Variants in MLLT1 observed in about 807,000 individuals in gnomAD.
MLLT1 encodes protein ENL.
In MLLT1, 11 loss-of-function variants were observed where a neutral mutation model predicts 55.1. That is an observed-to-expected ratio of 0.20 (90% CI 0.13 to 0.33). The LOEUF (loss-of-function observed/expected upper bound fraction) is 0.33. Ranked by LOEUF, MLLT1 falls within the 10% of genes least tolerant of loss-of-function variation. MLLT1 has a pLI of 1.00. For synonymous variants in MLLT1, 323 were observed against 320.1 expected (o/e 1.01, Z -0.10); for missense variants, 536 against 760.6 (o/e 0.70, Z 3.47).
chr19:6,272,506 G>T (rs1237740171), intron 1 of MLLT1, among the ~76,000 whole-genome samples: 1 of 152,104 alleles, frequency 6.6e-6, no homozygotes, highest in African/African-American at 2.4e-5. Flanking sequence ...GGCCCTTTCT[G>T]GTAGCCACGC....
Position 6,211,588 on chromosome 19 carries a change from G to A in MLLT1, c.*1454C>T, listed in dbSNP as rs879373552. 1.2e-4 allele frequency: 123 copies of A among 1,065,088 alleles called. No individual in the cohort carries two copies. Among genetic ancestry groups the A allele is most frequent in the Non-Finnish European group, 1.3e-4 (115 of 878,988 alleles). 66.0% of individuals were successfully genotyped at this position (1,065,088 alleles called of 1,614,324 possible). A position where few individuals can be genotyped will look rare whatever the true frequency, so the allele number is the denominator to read the frequency against. On this transcript the variant is annotated 3_prime_UTR_variant, in exon 12 of 12. Transcript: ENST00000252674. The surrounding 1 kb of genome is among the most constrained non-coding windows in gnomAD (Gnocchi z 4.6). ...CATCTAGGTGGGTTCGAGGGGGTGC[G>A]AGCCCACCTCCAGGCCCTCAGCCCT...
rs1484061245 is a variant in MLLT1 at position 6,262,463 on chromosome 19, C to T, written c.194-153G>A. ...GCTTTTCAGGAGGTTAAGCCCCCGACAGGATTGACTTCCACGGCAAAGTTA... is the reference window on the plus strand; with the variant it reads ...GCTTTTCAGGAGGTTAAGCCCCCGATAGGATTGACTTCCACGGCAAAGTTA... On this transcript the variant is annotated intron_variant, in intron 2 of 11. Coordinates refer to ENST00000252674, the MANE Select transcript of MLLT1 (RefSeq NM_005934.4). The surrounding 1 kb of genome is among the most constrained non-coding windows in gnomAD (Gnocchi z 4.4). 2.0e-5 allele frequency among the ~76,000 whole-genome samples: 3 copies of T among 152,008 alleles called. No individual in the cohort carries two copies. Among genetic ancestry groups the T allele is most frequent in the Admixed American group, 6.5e-5 (1 of 15,268 alleles).
At position 6,210,758 on chromosome 19, in the gene MLLT1, CGTG is replaced by C. The variant is rs2090759479; in HGVS notation, c.*2281_*2283del. 1 of 229,674 alleles carries C rather than the reference CGTG, an allele frequency of 4.4e-6. No individual in the cohort carries two copies. Among genetic ancestry groups the C allele is most frequent in the Admixed American group, 5.7e-5 (1 of 17,648 alleles). The allele number at this position is 229,674 out of a possible 1,614,324, so 14.2% of individuals were successfully genotyped here. A position where few individuals can be genotyped will look rare whatever the true frequency, so the allele number is the denominator to read the frequency against. On this transcript the variant is annotated 3_prime_UTR_variant, in exon 12 of 12. Coordinates refer to ENST00000252674, the MANE Select transcript of MLLT1 (RefSeq NM_005934.4). The surrounding 1 kb of genome is among the most constrained non-coding windows in gnomAD (Gnocchi z 4.6). Reference sequence around the variant, plus strand: ...CCTATGGAAGTGTCCCCAGAGCCCTCGTGGGCCCAGCCGCCGGGCAGCTGGGGT... The same window carrying C: ...CCTATGGAAGTGTCCCCAGAGCCCTCGGCCCAGCCGCCGGGCAGCTGGGGT...
Position 6,222,064 on chromosome 19 carries a change from A to C in MLLT1, c.1110+57T>G. ...ACCTCCTTCCGCTGTTCCAGAAGGGAGGCGGGTCCCACCACACTGCCTGCA... is the reference window on the plus strand; with the variant it reads ...ACCTCCTTCCGCTGTTCCAGAAGGGCGGCGGGTCCCACCACACTGCCTGCA... On this transcript the variant is annotated intron_variant, in intron 6 of 11. Transcript: ENST00000252674. The surrounding 1 kb of genome is among the most constrained non-coding windows in gnomAD (Gnocchi z 4.1). 1 of 1,363,478 alleles carries C rather than the reference A, an allele frequency of 7.3e-7. No individual in the cohort carries two copies. The highest frequency in any genetic ancestry group is 9.7e-7 in the Non-Finnish European group (1 of 1,033,126). The allele number at this position is 1,363,478 out of a possible 1,614,324, so 84.5% of individuals were successfully genotyped here.
chr19:6,270,883 G>A lies in MLLT1; in HGVS notation c.13-124C>T. 1 of 915,700 alleles carries A rather than the reference G, an allele frequency of 1.1e-6. No homozygotes were observed. Among genetic ancestry groups the A allele is most frequent in the South Asian group, 1.8e-5 (1 of 56,220 alleles). The allele number at this position is 915,700 out of a possible 1,614,324, so 56.7% of individuals were successfully genotyped here. On this transcript the variant is annotated intron_variant, in intron 1 of 11. Coordinates refer to ENST00000252674, the MANE Select transcript of MLLT1 (RefSeq NM_005934.4). This position sits in a 1 kb window ranked among gnomAD's most constrained non-coding sequence, Gnocchi z 7.1. Reference sequence around the variant, plus strand: ...GTGCAATACGCTCTCAACCCAGTGAGCAGCACACAGACGGCTTCCTATCGC... The same window carrying A: ...GTGCAATACGCTCTCAACCCAGTGAACAGCACACAGACGGCTTCCTATCGC...
chr19:6,227,904 A>G lies in MLLT1; in HGVS notation c.421-802T>C, dbSNP rs940967245. Among the ~76,000 whole-genome samples, 17 of 152,188 alleles carry G rather than the reference A, an allele frequency of 1.1e-4. No homozygotes were observed. Among genetic ancestry groups the G allele is most frequent in the Non-Finnish European group, 1.2e-4 (8 of 68,036 alleles). Reference sequence around the variant, plus strand: ...GAAAAGCCTCCCAGATGGCCGCAAGAGAGAACAAAAGAAGAAAATACACTT... The same window carrying G: ...GAAAAGCCTCCCAGATGGCCGCAAGGGAGAACAAAAGAAGAAAATACACTT... On this transcript the variant is annotated intron_variant, in intron 4 of 11. Transcript: ENST00000252674. The surrounding 1 kb of genome is among the most constrained non-coding windows in gnomAD (Gnocchi z 5.1).
chr19:6,237,362 C>A (rs2091072092), intron 3 of MLLT1, among the ~76,000 whole-genome samples: 4 of 152,210 alleles, frequency 2.6e-5, no homozygotes, highest in South Asian at 4.1e-4. Context: ...CTCCTGCCGA[C>A]CCTGGCTGTC....
Position 6,212,209 on chromosome 19 carries a change from C to T in MLLT1, c.*833G>A. On this transcript the variant is annotated 3_prime_UTR_variant, in exon 12 of 12. Coordinates refer to ENST00000252674, the MANE Select transcript of MLLT1 (RefSeq NM_005934.4). ...AGAGCCCGAGAGCAGACTGGTGGCT[C>T]CCGGGCGCCCTGAGGACTCGCTGCC... The T allele has an allele frequency of 2.8e-6, 3 of 1,066,328 alleles. No individual in the cohort carries two copies. The highest frequency in any genetic ancestry group is 3.4e-6 in the Non-Finnish European group (3 of 879,636). The allele number at this position is 1,066,328 out of a possible 1,614,324, so 66.1% of individuals were successfully genotyped here. A position where few individuals can be genotyped will look rare whatever the true frequency, so the allele number is the denominator to read the frequency against.
chr19:6,218,281 G>A lies in MLLT1; in HGVS notation c.1111-240C>T, dbSNP rs549559060. Among the ~76,000 whole-genome samples the A allele has an allele frequency of 3.6e-3, 542 of 152,318 alleles. 2 individuals are homozygous for A. The highest frequency in any genetic ancestry group is 5.7e-3 in the Non-Finnish European group (391 of 68,016). ...GACACCCGTGGATGTCTGGGTTTCC[G>A]GTAGCGCCAGGAGACCGTGTGGACC... On this transcript the variant is annotated intron_variant, in intron 6 of 11. Coordinates refer to ENST00000252674, the MANE Select transcript of MLLT1 (RefSeq NM_005934.4).
At position 6,262,087 on chromosome 19, in the gene MLLT1, C is replaced by CGTCA; in HGVS notation, c.276+140_276+141insTGAC. 1 of 668,730 alleles carries CGTCA rather than the reference C, an allele frequency of 1.5e-6. No individual in the cohort carries two copies. The allele number at this position is 668,730 out of a possible 1,614,324, so 41.4% of individuals were successfully genotyped here. A position where few individuals can be genotyped will look rare whatever the true frequency, so the allele number is the denominator to read the frequency against. ...ACGTCCCCAGGAATGGAGATGGTGA[C>CGTCA]CAGCACCCCCCGCAGCACTCACTGG... On this transcript the variant is annotated intron_variant, in intron 3 of 11. Coordinates refer to ENST00000252674, the MANE Select transcript of MLLT1 (RefSeq NM_005934.4). The surrounding 1 kb of genome is among the most constrained non-coding windows in gnomAD (Gnocchi z 4.4).
chr19:6,269,564 C>G (rs1415316827), intron 2 of MLLT1, among the ~76,000 whole-genome samples: 1 of 152,222 alleles, frequency 6.6e-6, no homozygotes, highest in African/African-American at 2.4e-5. Flanking sequence ...CAAGCCTCTA[C>G]TGCTGTCAAC....
intron 2 of MLLT1, among the ~76,000 whole-genome samples, chr19:6,267,428 T>G (rs948121980): frequency 1.4e-5 from 2 of 147,734 alleles, no homozygotes; most frequent in Non-Finnish European, 3.0e-5. Flanking sequence ...TTCCACAGAA[T>G]AAATGAAATG....
Position 6,222,730 on chromosome 19 carries a change from G to A in MLLT1, c.547-46C>T, listed in dbSNP as rs765725986. 2.1e-5 allele frequency: 31 copies of A among 1,472,494 alleles called. No individual in the cohort carries two copies. Among genetic ancestry groups the A allele is most frequent in the Non-Finnish European group, 2.6e-5 (29 of 1,113,954 alleles). 91.2% of individuals were successfully genotyped at this position (1,472,494 alleles called of 1,614,324 possible). A position where few individuals can be genotyped will look rare whatever the true frequency, so the allele number is the denominator to read the frequency against. ...AGGGCAAGGGGAGAGACAAGGTCAC[G>A]TGGCATTGCGGGGCGCCCTGCTCCG... On this transcript the variant is annotated intron_variant, in intron 5 of 11. Coordinates refer to ENST00000252674, the MANE Select transcript of MLLT1 (RefSeq NM_005934.4). The surrounding 1 kb of genome is among the most constrained non-coding windows in gnomAD (Gnocchi z 4.1).
chr19:6,242,505 G>C (rs1034117943), intron 3 of MLLT1, among the ~76,000 whole-genome samples: 1 of 152,184 alleles, frequency 6.6e-6, no homozygotes, highest in African/African-American at 2.4e-5. Flanking sequence ...TGCAGGGGTT[G>C]GGGAGGAGGT....
chr19:6,227,892 G>T lies in MLLT1; in HGVS notation c.421-790C>A, dbSNP rs1238714918. On this transcript the variant is annotated intron_variant, in intron 4 of 11. Transcript: ENST00000252674. This position sits in a 1 kb window ranked among gnomAD's most constrained non-coding sequence, Gnocchi z 5.1. ...CACCACCACAGAGAAAAGCCTCCCAGATGGCCGCAAGAGAGAACAAAAGAA... is the reference window on the plus strand; with the variant it reads ...CACCACCACAGAGAAAAGCCTCCCATATGGCCGCAAGAGAGAACAAAAGAA... Among the ~76,000 whole-genome samples the T allele has an allele frequency of 6.6e-6, 1 of 152,142 alleles. No homozygotes were observed. The highest frequency in any genetic ancestry group is 1.9e-4 in the East Asian group (1 of 5,192).
intron 3 of MLLT1, among the ~76,000 whole-genome samples, chr19:6,243,412 C>T (rs2091134351): frequency 6.6e-6 from 1 of 152,222 alleles, no homozygotes; most frequent in Non-Finnish European, 1.5e-5. Context: ...CCACTGAATT[C>T]CTTCTGGGAG....
intron 1 of MLLT1, among the ~76,000 whole-genome samples, chr19:6,275,131 C>A (rs570292098): frequency 1.8e-4 from 28 of 152,368 alleles, no homozygotes; most frequent in African/African-American, 6.0e-4. Context: ...GGCAGGTCTT[C>A]AACAACCAGT....
intron 3 of MLLT1, among the ~76,000 whole-genome samples, chr19:6,238,856 C>T (rs938561639): frequency 2.0e-5 from 3 of 152,246 alleles, no homozygotes; most frequent in African/African-American, 4.8e-5. Flanking sequence ...GGGCCTTCTC[C>T]GGCCAGCAGC....
rs190350685 is a variant in MLLT1 at position 6,227,899 on chromosome 19, G to T, written c.421-797C>A. On this transcript the variant is annotated intron_variant, in intron 4 of 11. Transcript: ENST00000252674. This position sits in a 1 kb window ranked among gnomAD's most constrained non-coding sequence, Gnocchi z 5.1. ...ACAGAGAAAAGCCTCCCAGATGGCC[G>T]CAAGAGAGAACAAAAGAAGAAAATA... Among the ~76,000 whole-genome samples the T allele has an allele frequency of 6.6e-6, 1 of 152,154 alleles. No homozygotes were observed. The highest frequency in any genetic ancestry group is 6.5e-5 in the Admixed American group (1 of 15,272).
Sources: allele counts gnomAD v4.1 joint callset (sites outside exome capture counted in the v4.1 genomes callset), GRCh38; gene constraint gnomAD v4.1.1; non-coding constraint Gnocchi (gnomAD v3.1); transcripts MANE v1.5; gene names NCBI Gene and HGNC (gene_info 2026-07-23, HGNC 2026-07-21).